The following RAB11FIP3 variants were observed in gnomAD, a reference collection of about 807,000 sequenced individuals.
The protein encoded by RAB11FIP3 is rab11 family-interacting protein 3.
Under a neutral mutation model 77.8 loss-of-function variants are expected in RAB11FIP3, and 17 were observed. The ratio of observed to expected loss-of-function variants is 0.22; its 90% CI spans 0.15 to 0.33. The LOEUF (loss-of-function observed/expected upper bound fraction) is 0.33. RAB11FIP3 is among the 10% of genes least tolerant of loss of function. The probability of loss-of-function intolerance (pLI) is 1.00; values close to 1 mark genes in which losing one functional copy is unlikely to be tolerated. For missense variants in RAB11FIP3, 1,005 were observed against 1,011.2 expected (o/e 0.99, Z 0.08); for synonymous variants, 437 against 448.2 (o/e 0.98, Z 0.31).
At position 520,443 on chromosome 16, in the gene RAB11FIP3, G is replaced by A. The variant is rs2032632221; in HGVS notation, c.2017-16G>A. 6.2e-7 allele frequency: 1 copy of A among 1,612,922 alleles called. No individual in the cohort carries two copies. The highest frequency in any genetic ancestry group is 8.5e-7 in the Non-Finnish European group (1 of 1,179,882). On this transcript the variant is annotated splice_polypyrimidine_tract_variant and intron_variant, in intron 12 of 13. Transcript: ENST00000262305. ...GCAGGGGCCACAGCCCAGTAGTGAT[G>A]TTGCTGTGCCTTCAGGACAACCGCA...
chr16:427,192 C>G (rs1290814117), intron 1 of RAB11FIP3, among the ~76,000 whole-genome samples: 1 of 152,230 alleles, frequency 6.6e-6, no homozygotes, highest in Admixed American at 6.5e-5. Context: ...TGATAGACAC[C>G]TATTTTGAGT....
At chr16:486,423 G>T (rs190664537) in intron 4 of RAB11FIP3, among the ~76,000 whole-genome samples, 280 of 152,282 alleles carry the variant, frequency 1.8e-3, no homozygotes, top group Non-Finnish European at 3.4e-3. Flanking sequence ...ACCCAGAGAG[G>T]CAGAGTTTGC....
In RAB11FIP3 at chr16:488,887, C is replaced by T. The variant is rs1034817684; in HGVS notation, c.1152C>T (p.Ile384=). The T allele has an allele frequency of 9.3e-6, 15 of 1,613,978 alleles. No homozygotes were observed. The highest frequency in any genetic ancestry group is 3.3e-5 in the South Asian group (3 of 91,076). Residue 384 remains isoleucine (I), a synonymous_variant, in exon 5 of 14, where the codon ATC becomes ATT. Transcript: ENST00000262305. The stretch of plus-strand genomic sequence containing the variant: ...ATGGCCAGTCTGTCATCACGGTGAT[C>T]GGGGGCGAGGAGCACTTTGAGGACT... ...HPHGQSVITV[I]GGEEHFEDYG...
At chr16:435,114 A>T (rs1296944550) in intron 1 of RAB11FIP3, among the ~76,000 whole-genome samples, 1 of 150,784 alleles carries the variant, frequency 6.6e-6, no homozygotes, top group Non-Finnish European at 1.5e-5. Flanking sequence ...CTGAGGCAGG[A>T]GAATTGCTTG....
rs951048155 is a variant in RAB11FIP3, at chr16:518,969, G to C, written c.1667G>C (p.Ser556Thr). 39 of 1,613,622 alleles carry C rather than the reference G, an allele frequency of 2.4e-5. No homozygotes were observed. Among genetic ancestry groups the C allele is most frequent in the Non-Finnish European group, 3.2e-5 (38 of 1,180,026 alleles). Residue 556 changes from serine to threonine, a missense_variant, in exon 10 of 14, where the codon AGT (serine) becomes ACT (threonine). Transcript: ENST00000262305. ...CTACAGCAACTGGACGAGGAGAACAGTGAACTCCGGTCCTGCACGCCCTGT... is the reference window on the plus strand; with the variant it reads ...CTACAGCAACTGGACGAGGAGAACACTGAACTCCGGTCCTGCACGCCCTGT... ...TRLQQLDEEN[S>T]ELRSCTPCLK...
At chr16:447,853 GA>G (rs2055342199) in intron 1 of RAB11FIP3, among the ~76,000 whole-genome samples, 1 of 152,190 alleles carries the variant, frequency 6.6e-6, no homozygotes, top group South Asian at 2.1e-4. Context: ...GAGCACATCT[GA>G]AGAAAGGGTG....
Position 505,072 on chromosome 16 carries a change from C to A in RAB11FIP3, c.1396-452C>A, listed in dbSNP as rs1393450147. 6.6e-6 allele frequency among the ~76,000 whole-genome samples: 1 copy of A among 150,556 alleles called. No homozygotes were observed. Reference sequence around the variant, plus strand: ...CTCCTCTGCTCCCTTCACTCCTTCTCCTACCTCCGCAGGTGTCTGATTCTC... The same window carrying A: ...CTCCTCTGCTCCCTTCACTCCTTCTACTACCTCCGCAGGTGTCTGATTCTC... On this transcript the variant is annotated intron_variant, in intron 7 of 13. Transcript: ENST00000262305. The surrounding 1 kb of genome is among the most constrained non-coding windows in gnomAD (Gnocchi z 4.0).
At chr16:436,064 A>G (rs2055121488) in intron 1 of RAB11FIP3, among the ~76,000 whole-genome samples, 2 of 152,276 alleles carry the variant, frequency 1.3e-5, no homozygotes, top group African/African-American at 2.4e-5. Context: ...TAATCCCAGC[A>G]CTTTGGGAGG....
intron 1 of RAB11FIP3, among the ~76,000 whole-genome samples, chr16:430,842 CA>C (rs1347021569): frequency 6.6e-6 from 1 of 152,180 alleles, no homozygotes; most frequent in African/African-American, 2.4e-5. Context: ...AAAATACAAA[CA>C]TTTTTAAAAA....
At chr16:502,952 A>G (rs1596287092) in intron 6 of RAB11FIP3, 52 bp from the exon 7 acceptor site, 1 of 1,400,240 alleles carries the variant, frequency 7.1e-7, no homozygotes, top group Admixed American at 1.7e-5. Context: ...CTGACGGAGC[A>G]TGTCCTGTGG....
In RAB11FIP3 at chr16:461,299, C is replaced by A; in HGVS notation, c.715-105C>A. 1.3e-6 allele frequency: 1 copy of A among 788,660 alleles called. No homozygotes were observed. The highest frequency in any genetic ancestry group is 2.0e-6 in the Non-Finnish European group (1 of 492,486). The allele number at this position is 788,660 out of a possible 1,614,324, so 48.9% of individuals were successfully genotyped here. ...TCCCTCACCTCCTGCTGTGCTTCCCCGTTCCCAGCAGGCCACACACCAGAT... is the reference window on the plus strand; with the variant it reads ...TCCCTCACCTCCTGCTGTGCTTCCCAGTTCCCAGCAGGCCACACACCAGAT... On this transcript the variant is annotated intron_variant, in intron 1 of 13. Coordinates refer to ENST00000262305, the MANE Select transcript of RAB11FIP3 (RefSeq NM_014700.4). The surrounding 1 kb of genome is among the most constrained non-coding windows in gnomAD (Gnocchi z 4.5).
At chr16:508,236 G>A (rs1287571674) in intron 8 of RAB11FIP3, among the ~76,000 whole-genome samples, 1 of 152,200 alleles carries the variant, frequency 6.6e-6, no homozygotes, top group Non-Finnish European at 1.5e-5. Flanking sequence ...ACCCGGTGCT[G>A]TGACTGAGGA....
At chr16:496,951 A>C in intron 6 of RAB11FIP3, 92 bp downstream of exon 6, 1 of 1,388,576 alleles carries the variant, frequency 7.2e-7, no homozygotes, top group South Asian at 1.2e-5. Flanking sequence ...TTCTTTTCCA[A>C]GGTATTTTTT....
intron 1 of RAB11FIP3, among the ~76,000 whole-genome samples, chr16:432,370 T>C (rs151178712): frequency 6.6e-6 from 1 of 151,956 alleles, no homozygotes; most frequent in Admixed American, 6.6e-5. Flanking sequence ...AGGGTGAAAC[T>C]GTCTCGAAAA....
At chr16:492,981 C>T (rs1342397304) in intron 5 of RAB11FIP3, among the ~76,000 whole-genome samples, 3 of 152,136 alleles carry the variant, frequency 2.0e-5, no homozygotes, top group Non-Finnish European at 2.9e-5. Context: ...GGCGCAGTGA[C>T]TCACGCCTGT....
Position 482,526 on chromosome 16 carries a change from C to G in RAB11FIP3, c.905C>G (p.Ala302Gly), listed in dbSNP as rs201837898. Residue 302 changes from alanine to glycine, a missense_variant and splice_region_variant, in exon 4 of 14, where the codon GCC becomes GGC. By Grantham distance (60) the Ala-to-Gly change is moderately conservative. Transcript: ENST00000262305. ...DEFDDFVTYEANEVTDSAYMG... is the reference protein window; with the variant it reads ...DEFDDFVTYEGNEVTDSAYMG... The stretch of plus-strand genomic sequence containing the variant: ...GACTGCTGGCGCACTCTCTCCTAGG[C>G]CAACGAGGTGACGGACAGCGCGTAC... The G allele has an allele frequency of 8.2e-5, 132 of 1,613,454 alleles. No homozygotes were observed. Among genetic ancestry groups the G allele is most frequent in the Non-Finnish European group, 8.9e-5 (105 of 1,180,012 alleles).
intron 9 of RAB11FIP3, 64 bp from the exon 10 acceptor site, chr16:518,879 G>A: frequency 1.3e-6 from 2 of 1,558,466 alleles, no homozygotes; most frequent in Non-Finnish European, 1.8e-6. Context: ...TGAGACACAG[G>A]GCACACTGGC....
intron 1 of RAB11FIP3, among the ~76,000 whole-genome samples, chr16:432,726 C>T (rs959962536): frequency 4.0e-5 from 6 of 150,198 alleles, no homozygotes; most frequent in African/African-American, 1.2e-4. Flanking sequence ...CAGACTCCCT[C>T]AGCCACTTAG....
At chr16:488,405 T>G (rs1391982112) in intron 4 of RAB11FIP3, among the ~76,000 whole-genome samples, 3 of 136,174 alleles carry the variant, frequency 2.2e-5, no homozygotes, top group African/African-American at 7.6e-5. Context: ...GAAACAGATT[T>G]ATTTATTTAT....
Sources: allele counts gnomAD v4.1 joint callset (sites outside exome capture counted in the v4.1 genomes callset), GRCh38; gene constraint gnomAD v4.1.1; non-coding constraint Gnocchi (gnomAD v3.1); transcripts MANE v1.5; gene names NCBI Gene and HGNC (gene_info 2026-07-23, HGNC 2026-07-21).